GPC5: variants seen among roughly 807,000 people sequenced by gnomAD.
GPC5 encodes glypican 5, also known as glypican-5.
In GPC5, 47 loss-of-function variants were observed where a neutral mutation model predicts 53.9. The observed-to-expected ratio is 0.87, with a 90% CI of 0.69 to 1.11. The LOEUF is 1.11. Among genes scored for constraint, GPC5 ranks in the 50% most tolerant of loss-of-function variants. The pLI is 0.00. For synonymous variants in GPC5, 286 were observed against 263.3 expected (o/e 1.09, Z -0.84); for missense variants, 748 against 713.1 (o/e 1.05, Z -0.56).
chr13:92,087,174 G>C (rs2041342463), intron 6 of GPC5, among the ~76,000 whole-genome samples: 1 of 152,210 alleles, frequency 6.6e-6, no homozygotes, highest in Admixed American at 6.5e-5. Context: ...AGAGATTCAG[G>C]GAGAGTGTGA....
At chr13:91,428,238 C>A (rs774816743) in intron 1 of GPC5, among the ~76,000 whole-genome samples, 1 of 152,114 alleles carries the variant, frequency 6.6e-6, no homozygotes, top group Non-Finnish European at 1.5e-5. Context: ...GGCATGCAGT[C>A]ACTGGAGAGT....
intron 6 of GPC5, among the ~76,000 whole-genome samples, chr13:91,991,209 C>T (rs2040453283): frequency 6.6e-6 from 1 of 152,202 alleles, no homozygotes; most frequent in South Asian, 2.1e-4. Context: ...TCACTTACCA[C>T]CTTTCACAGC....
chr13:91,502,452 C>T (rs1367088454), intron 2 of GPC5, among the ~76,000 whole-genome samples: 1 of 152,118 alleles, frequency 6.6e-6, no homozygotes, highest in Non-Finnish European at 1.5e-5. Context: ...TAAAAGGAGG[C>T]AGGTGAACAG....
intron 7 of GPC5, among the ~76,000 whole-genome samples, chr13:92,257,523 T>C (rs904028850): frequency 7.0e-6 from 1 of 143,190 alleles, no homozygotes; most frequent in African/African-American, 2.7e-5. Context: ...TTTCAGCTAG[T>C]GAGAGAGGTT....
At chr13:92,634,913 C>T (rs1179671185) in intron 7 of GPC5, among the ~76,000 whole-genome samples, 1 of 151,728 alleles carries the variant, frequency 6.6e-6, no homozygotes, top group African/African-American at 2.4e-5. Flanking sequence ...TTTTCTTGCC[C>T]TGTAATCAGT....
At chr13:92,110,015 G>T (rs1002535869) in intron 6 of GPC5, among the ~76,000 whole-genome samples, 1 of 152,042 alleles carries the variant, frequency 6.6e-6, no homozygotes, top group African/African-American at 2.4e-5. Context: ...AAAAATAAAA[G>T]ATACATAGGT....
intron 4 of GPC5, among the ~76,000 whole-genome samples, chr13:91,750,968 T>C (rs2037163896): frequency 1.3e-5 from 2 of 151,412 alleles, no homozygotes; most frequent in Non-Finnish European, 2.9e-5. Flanking sequence ...GGCCGGTAAG[T>C]CTTTTTGACC....
intron 2 of GPC5, among the ~76,000 whole-genome samples, chr13:91,647,119 CAT>C (rs1459541261): frequency 6.8e-6 from 1 of 146,162 alleles, no homozygotes; most frequent in African/African-American, 2.5e-5. Context: ...GTGTGAAATA[CAT>C]ACCTATGGCA....
chr13:91,942,799 C>A (rs1226040403), intron 6 of GPC5, among the ~76,000 whole-genome samples: 1 of 152,004 alleles, frequency 6.6e-6, no homozygotes, highest in Non-Finnish European at 1.5e-5. Flanking sequence ...TTGCTCAAGT[C>A]ATGCATCTGA....
chr13:92,333,811 A>T (rs568324662), intron 7 of GPC5, among the ~76,000 whole-genome samples: 6 of 152,226 alleles, frequency 3.9e-5, no homozygotes, highest in African/African-American at 1.4e-4. Context: ...CATGACAGGG[A>T]TATTGGAATT....
At chr13:92,514,101 G>A (rs1241705025) in intron 7 of GPC5, among the ~76,000 whole-genome samples, 1 of 151,748 alleles carries the variant, frequency 6.6e-6, no homozygotes, top group Non-Finnish European at 1.5e-5. Flanking sequence ...AAACAAGAAG[G>A]GGTATGATTT....
chr13:91,685,062 C>T (rs576962815), intron 2 of GPC5, among the ~76,000 whole-genome samples: 62 of 152,224 alleles, frequency 4.1e-4, no homozygotes, highest in African/African-American at 1.5e-3. Flanking sequence ...AGAGGGTTTT[C>T]CTTCTCACTG....
At chr13:92,038,346 T>TGATAGATA in intron 6 of GPC5, among the ~76,000 whole-genome samples, 1 of 123,140 alleles carries the variant, frequency 8.1e-6, no homozygotes, top group African/African-American at 3.7e-5. Flanking sequence ...GCATGATCTA[T>TGATAGATA]GCTAGATAGA....
intron 7 of GPC5, among the ~76,000 whole-genome samples, chr13:92,393,644 G>C (rs1875127272): frequency 6.6e-6 from 1 of 152,230 alleles, no homozygotes; most frequent in East Asian, 1.9e-4. Flanking sequence ...GTGATACTGT[G>C]CATGAAAGAA....
chr13:91,978,538 C>T (rs1349559355), intron 6 of GPC5, among the ~76,000 whole-genome samples: 3 of 152,120 alleles, frequency 2.0e-5, no homozygotes, highest in African/African-American at 7.2e-5. Flanking sequence ...GGCTAGGCTA[C>T]TGTGGATAAG....
intron 1 of GPC5, among the ~76,000 whole-genome samples, chr13:91,425,473 G>A (rs1488496977): frequency 6.6e-6 from 1 of 152,130 alleles, no homozygotes; most frequent in Admixed American, 6.5e-5. Flanking sequence ...ATGATAGTGA[G>A]TGAATTCTCA....
At chr13:92,081,024 T>C (rs778893102) in intron 6 of GPC5, among the ~76,000 whole-genome samples, 7 of 152,230 alleles carry the variant, frequency 4.6e-5, no homozygotes, top group Non-Finnish European at 1.0e-4. Flanking sequence ...AATTGCTCTG[T>C]TTTTTCTTTA....
Position 92,125,957 on chromosome 13 carries a change from T to G in GPC5, c.1402-18873T>G, listed in dbSNP as rs1159331782. Among the ~76,000 whole-genome samples, 149 of 45,226 alleles carry G rather than the reference T, an allele frequency of 3.3e-3. 9 individuals carry two copies. The highest frequency in any genetic ancestry group is 9.4e-3 in the African/African-American group (126 of 13,456). The allele number at this position is 45,226 out of a possible 152,430, so 29.7% of individuals were successfully genotyped here. A position where few individuals can be genotyped will look rare whatever the true frequency, so the allele number is the denominator to read the frequency against. On this transcript the variant is annotated intron_variant, in intron 6 of 7. Transcript: ENST00000377067. ...TTTTTTTTTTTTTTTTTTTTTTTTT[T>G]TTTTTTTTTTTTTTTTGAGATGAGT...
intron 7 of GPC5, among the ~76,000 whole-genome samples, chr13:92,698,145 T>C (rs1010108795): frequency 6.6e-6 from 1 of 152,132 alleles, no homozygotes; most frequent in Admixed American, 6.6e-5. Flanking sequence ...ATCAGGGATA[T>C]TGGCCTGAAA....
Sources: gnomAD v4.1 joint callset for allele counts (sites outside exome capture counted in the v4.1 genomes callset) on GRCh38, gnomAD v4.1.1 for gene constraint, MANE v1.5 for transcripts, NCBI Gene and HGNC (gene_info 2026-07-23, HGNC 2026-07-21) for gene names.